KAZN: variants seen among roughly 807,000 people sequenced by gnomAD.
KAZN encodes the protein kazrin, periplakin interacting protein.
In KAZN, 40 loss-of-function variants were observed where a neutral mutation model predicts 87.4. That is an observed-to-expected ratio of 0.46 (90% CI 0.36 to 0.60). The LOEUF is 0.60. Ranked by LOEUF, KAZN falls within the 20% of genes least tolerant of loss-of-function variation. The probability of loss-of-function intolerance (pLI) is 0.00; values close to 1 mark genes in which losing one functional copy is unlikely to be tolerated. For synonymous variants in KAZN, 466 were observed against 458.3 expected (o/e 1.02, Z -0.22); for missense variants, 898 against 1,073.9 (o/e 0.84, Z 2.29).
chr1:14,466,837 C>T lies in KAZN; in HGVS notation c.250-132146C>T, dbSNP rs188774147. 4.7e-3 allele frequency among the ~76,000 whole-genome samples: 716 copies of T among 152,144 alleles called. 4 individuals are homozygous for T. Among genetic ancestry groups the T allele is most frequent in the African/African-American group, 0.011 (444 of 41,528 alleles). On this transcript the variant is annotated intron_variant, in intron 2 of 16. Coordinates refer to the KAZN transcript ENST00000636203. ...CAAAAAAATTAGCCTGTTGTGGTGGCGGGCGCCTGTGGTCCCAGCTACTTG... is the reference window on the plus strand; with the variant it reads ...CAAAAAAATTAGCCTGTTGTGGTGGTGGGCGCCTGTGGTCCCAGCTACTTG...
At chr1:15,065,920 T>G in intron 8 of KAZN, 167 bp downstream of exon 8, 2 of 1,443,086 alleles carry the variant, frequency 1.4e-6, no homozygotes, top group African/African-American at 1.4e-5. Context: ...CTGGCACACA[T>G]GGGTGCTGGG....
chr1:15,063,366 A>C (rs2076566), intron 6 of KAZN: 169,144 of 589,506 alleles, frequency 0.29, 31,549 homozygotes, highest in East Asian at 0.69. Context: ...GACCCCAGGA[A>C]CTCTAGGGAA....
chr1:14,068,799 CTTTTT>C (rs5772562), intron 1 of KAZN, among the ~76,000 whole-genome samples: 3 of 136,784 alleles, frequency 2.2e-5, no homozygotes, highest in Non-Finnish European at 1.6e-5. Context: ...GTTGAGTTCT[CTTTTT>C]TTTTTTTTTT....
chr1:14,739,816 C>T (rs557974668), intron 1 of KAZN, among the ~76,000 whole-genome samples: 163 of 151,296 alleles, frequency 1.1e-3, no homozygotes, highest in African/African-American at 3.9e-3. Context: ...TGTCTGCCCA[C>T]GTGCAAACAG....
chr1:13,927,767 A>C (rs1467963903), intron 1 of KAZN, among the ~76,000 whole-genome samples: 1 of 152,246 alleles, frequency 6.6e-6, no homozygotes, highest in Non-Finnish European at 1.5e-5. Flanking sequence ...TCGCATAGCA[A>C]CTGAAACAGA....
chr1:13,944,120 C>T (rs1005653869), intron 1 of KAZN, among the ~76,000 whole-genome samples: 3 of 152,080 alleles, frequency 2.0e-5, no homozygotes, highest in Non-Finnish European at 4.4e-5. Flanking sequence ...TGGAAATAAC[C>T]TAAGTGTTCA....
chr1:14,919,259 C>T (rs2101473482), intron 1 of KAZN, among the ~76,000 whole-genome samples: 1 of 152,306 alleles, frequency 6.6e-6, no homozygotes, highest in South Asian at 2.1e-4. Context: ...TCACTGCAAC[C>T]TCCGCCTCCC....
At chr1:14,487,413 C>T (rs757706422) in intron 2 of KAZN, among the ~76,000 whole-genome samples, 1 of 152,108 alleles carries the variant, frequency 6.6e-6, no homozygotes, top group Non-Finnish European at 1.5e-5. Context: ...GAAAAATCTC[C>T]CTCTACCCAC....
chr1:14,885,134 A>G (rs929862617), intron 1 of KAZN, among the ~76,000 whole-genome samples: 1 of 152,192 alleles, frequency 6.6e-6, no homozygotes, highest in Non-Finnish European at 1.5e-5. Flanking sequence ...ATCAACAAAA[A>G]TAACATTACC....
intron 1 of KAZN, among the ~76,000 whole-genome samples, chr1:14,152,969 G>T (rs10928038): frequency 0.18 from 26,910 of 152,016 alleles, 2,995 homozygotes; most frequent in East Asian, 0.33. Flanking sequence ...TCATATACCT[G>T]TTTGCCATTG....
chr1:14,323,593 T>C (rs1225579698), intron 2 of KAZN, among the ~76,000 whole-genome samples: 1 of 152,136 alleles, frequency 6.6e-6, no homozygotes, highest in Non-Finnish European at 1.5e-5. Context: ...AGATAAAATC[T>C]TCCTATTTGC....
chr1:13,986,768 C>T (rs901533038), intron 1 of KAZN, among the ~76,000 whole-genome samples: 1 of 152,176 alleles, frequency 6.6e-6, no homozygotes, highest in Non-Finnish European at 1.5e-5. Context: ...GAGCCAGTAT[C>T]TCTATAGAGG....
In KAZN at chr1:15,002,848, C is replaced by A. The variant is rs568443954; in HGVS notation, c.419-31901C>A. Among the ~76,000 whole-genome samples, 236 of 151,938 alleles carry A rather than the reference C, an allele frequency of 1.6e-3. 1 individual carries two copies. The highest frequency in any genetic ancestry group is 5.0e-3 in the African/African-American group (209 of 41,452). ...AAAATTAGCCTGGTATGGTGGTGGG[C>A]GCCTGTAATCCCAGCTACTCAGGAG... On this transcript the variant is annotated intron_variant, in intron 2 of 14. Coordinates refer to ENST00000376030, the MANE Select transcript of KAZN (RefSeq NM_201628.3).
At chr1:13,984,353 C>T (rs1355163307) in intron 1 of KAZN, among the ~76,000 whole-genome samples, 3 of 152,166 alleles carry the variant, frequency 2.0e-5, no homozygotes, top group Admixed American at 6.5e-5. Flanking sequence ...TTCTAGGAAA[C>T]GGGCAATGGG....
At chr1:15,057,999 A>G (rs1638450656) in intron 5 of KAZN, among the ~76,000 whole-genome samples, 1 of 152,122 alleles carries the variant, frequency 6.6e-6, no homozygotes, top group Non-Finnish European at 1.5e-5. Context: ...CTCACATACA[A>G]CCATCTCCAT....
chr1:14,656,730 A>T (rs1364538975), intron 1 of KAZN, among the ~76,000 whole-genome samples: 1 of 152,210 alleles, frequency 6.6e-6, no homozygotes, highest in Non-Finnish European at 1.5e-5. Context: ...TTAAACCACC[A>T]GATCTCGTGA....
rs59563758 is a variant in KAZN, at chr1:14,557,629, GGTGTGTGTGT to G, written c.250-41326_250-41317del. Among the ~76,000 whole-genome samples the G allele has an allele frequency of 4.9e-3, 680 of 137,910 alleles. 6 individuals are homozygous for G. Among genetic ancestry groups the G allele is most frequent in the African/African-American group, 0.014 (501 of 36,882 alleles). The allele number at this position is 137,910 out of a possible 152,430, so 90.5% of individuals were successfully genotyped here. A position where few individuals can be genotyped will look rare whatever the true frequency, so the allele number is the denominator to read the frequency against. On this transcript the variant is annotated intron_variant, in intron 2 of 16. Transcript: ENST00000636203. Reference sequence around the variant, plus strand: ...AAACAAAACCAATAGGGTGTGTGTGGGTGTGTGTGTGTGTGTGTGTGTGTGTGTGTGTGTG... The same window carrying G: ...AAACAAAACCAATAGGGTGTGTGTGGGTGTGTGTGTGTGTGTGTGTGTGTG...
intron 2 of KAZN, among the ~76,000 whole-genome samples, chr1:14,474,783 T>C (rs2148377391): frequency 6.6e-6 from 1 of 152,140 alleles, no homozygotes; most frequent in East Asian, 1.9e-4. Context: ...AGTGGGATGG[T>C]GGGTTCGTCT....
intron 2 of KAZN, among the ~76,000 whole-genome samples, chr1:14,552,850 T>C (rs1413230738): frequency 6.6e-6 from 1 of 152,248 alleles, no homozygotes; most frequent in Admixed American, 6.5e-5. Flanking sequence ...TTCACATGGT[T>C]CTGGGGCCAG....
Sources: gnomAD v4.1 joint callset for allele counts (sites outside exome capture counted in the v4.1 genomes callset) on GRCh38, gnomAD v4.1.1 for gene constraint, MANE v1.5 for transcripts, NCBI Gene and HGNC (gene_info 2026-07-23, HGNC 2026-07-21) for gene names.